The following GRM3 variants were observed in gnomAD, a reference collection of about 807,000 sequenced individuals.
The protein encoded by GRM3 is glutamate metabotropic receptor 3, also known as metabotropic glutamate receptor 3.
A neutral mutation model predicts 70.5 loss-of-function variants in GRM3; 26 were observed. The observed-to-expected ratio is 0.37, with a 90% CI of 0.27 to 0.51. The LOEUF is 0.51. Among genes scored for constraint, GRM3 ranks in the 20% least tolerant of loss-of-function variants. The pLI is 0.93. For missense variants in GRM3, 859 were observed against 1,123.8 expected (o/e 0.76, Z 3.37); for synonymous variants, 443 against 434.9 (o/e 1.02, Z -0.23).
chr7:86,732,646 C>G (rs1405139104), intron 1 of GRM3, among the ~76,000 whole-genome samples: 2 of 152,184 alleles, frequency 1.3e-5, no homozygotes, highest in Admixed American at 1.3e-4. Context: ...TAGATATTAA[C>G]ACTATGCCAA....
intron 1 of GRM3, among the ~76,000 whole-genome samples, chr7:86,754,692 G>A (rs1020459190): frequency 6.6e-6 from 1 of 152,124 alleles, no homozygotes; most frequent in Non-Finnish European, 1.5e-5. Context: ...AAGGGTATGG[G>A]AAAGACAGAG....
At chr7:86,796,442 A>G (rs772741587) in intron 3 of GRM3, among the ~76,000 whole-genome samples, 3 of 152,204 alleles carry the variant, frequency 2.0e-5, no homozygotes, top group Non-Finnish European at 4.4e-5. Context: ...TTGTACCTGT[A>G]CTATGCTGTT....
intron 1 of GRM3, among the ~76,000 whole-genome samples, chr7:86,663,966 C>T (rs1481715463): frequency 6.6e-6 from 1 of 151,920 alleles, no homozygotes; most frequent in African/African-American, 2.4e-5. Flanking sequence ...TATTCAGTGA[C>T]ATGAGCACAG....
chr7:86,824,479 G>A (rs776622696), intron 3 of GRM3, among the ~76,000 whole-genome samples: 4 of 152,238 alleles, frequency 2.6e-5, no homozygotes, highest in South Asian at 2.1e-4. Flanking sequence ...GTTCCTGAGG[G>A]GGGTAACATA....
At chr7:86,699,473 C>T (rs1794901911) in intron 1 of GRM3, among the ~76,000 whole-genome samples, 1 of 151,984 alleles carries the variant, frequency 6.6e-6, no homozygotes, top group African/African-American at 2.4e-5. Context: ...ATGGACAACA[C>T]ATATTGATAA....
rs558864220 is a variant in GRM3 at position 86,677,454 on chromosome 7, C to T, written c.-141+32582C>T. On this transcript the variant is annotated intron_variant, in intron 1 of 5. Transcript: ENST00000361669. ...TTTCTACTTCCAGATTTCTCTTTGA[C>T]CTGTTGGCTTTCTGCTGAGGTCAAG... Among the ~76,000 whole-genome samples the T allele has an allele frequency of 2.2e-4, 34 of 152,102 alleles. 1 individual carries two copies. The South Asian group carries it at 7.1e-3, about 32-fold the overall frequency.
chr7:86,752,626 C>T (rs866851196), intron 1 of GRM3, among the ~76,000 whole-genome samples: 20 of 151,878 alleles, frequency 1.3e-4, no homozygotes, highest in African/African-American at 4.6e-4. Context: ...AGAAGACAGC[C>T]CAGACTTGCT....
intron 3 of GRM3, among the ~76,000 whole-genome samples, chr7:86,812,194 G>A (rs1016898212): frequency 2.6e-5 from 4 of 151,736 alleles, no homozygotes; most frequent in Non-Finnish European, 5.9e-5. Context: ...ACTGCAAGTA[G>A]GAAAATACAT....
intron 3 of GRM3, among the ~76,000 whole-genome samples, chr7:86,802,162 G>T (rs951160661): frequency 3.3e-5 from 5 of 152,196 alleles, no homozygotes; most frequent in Non-Finnish European, 5.9e-5. Context: ...TATTTTATAA[G>T]TTTAAATGTG....
At chr7:86,743,534 T>C (rs990567046) in intron 1 of GRM3, among the ~76,000 whole-genome samples, 5 of 152,170 alleles carry the variant, frequency 3.3e-5, no homozygotes, top group Non-Finnish European at 7.4e-5. Context: ...TATATTGTCC[T>C]TATTCTGAGA....
At chr7:86,708,494 C>G (rs755345272) in intron 1 of GRM3, among the ~76,000 whole-genome samples, 1 of 152,174 alleles carries the variant, frequency 6.6e-6, no homozygotes, top group South Asian at 2.1e-4. Context: ...TGAGGAGAGA[C>G]CAGCCCCTGC....
intron 1 of GRM3, among the ~76,000 whole-genome samples, chr7:86,745,926 A>G (rs1411096774): frequency 6.6e-6 from 1 of 151,840 alleles, no homozygotes; most frequent in African/African-American, 2.4e-5. Flanking sequence ...GTAAGTGTAC[A>G]GATTAATATT....
At chr7:86,650,741 G>A (rs1218184130) in intron 1 of GRM3, among the ~76,000 whole-genome samples, 1 of 152,152 alleles carries the variant, frequency 6.6e-6, no homozygotes, top group Non-Finnish European at 1.5e-5. Context: ...GTAAAACTTA[G>A]TACAGTGGCA....
chr7:86,673,374 A>G (rs960054390), intron 1 of GRM3, among the ~76,000 whole-genome samples: 3 of 152,002 alleles, frequency 2.0e-5, no homozygotes, highest in African/African-American at 4.8e-5. Context: ...TTATCTATCC[A>G]CTTCAAAACT....
chr7:86,698,615 AG>A (rs1349731654), intron 1 of GRM3, among the ~76,000 whole-genome samples: 1 of 150,268 alleles, frequency 6.7e-6, no homozygotes, highest in African/African-American at 2.4e-5. Flanking sequence ...ACACTATAAA[AG>A]CTTGGAACCC....
chr7:86,716,663 G>T (rs1246623462), intron 1 of GRM3, among the ~76,000 whole-genome samples: 1 of 147,126 alleles, frequency 6.8e-6, no homozygotes, highest in Non-Finnish European at 1.5e-5. Context: ...AACCCAATTG[G>T]CCACTATTCC....
intron 1 of GRM3, among the ~76,000 whole-genome samples, chr7:86,699,167 C>G (rs1387824576): frequency 6.6e-6 from 1 of 151,988 alleles, no homozygotes; most frequent in African/African-American, 2.4e-5. Context: ...AGATTGAAAT[C>G]CAGAAAGAGA....
At chr7:86,650,882 T>C (rs536511973) in intron 1 of GRM3, among the ~76,000 whole-genome samples, 1 of 152,230 alleles carries the variant, frequency 6.6e-6, no homozygotes, top group Non-Finnish European at 1.5e-5. Flanking sequence ...AAAAGTTTTG[T>C]AGTATAGTAA....
intron 5 of GRM3, among the ~76,000 whole-genome samples, chr7:86,850,808 G>C (rs1348765711): frequency 6.6e-6 from 1 of 152,116 alleles, no homozygotes; most frequent in African/African-American, 2.4e-5. Flanking sequence ...TGAGGGGTTT[G>C]ACCATGTTGT....
Sources: allele counts gnomAD v4.1 joint callset (sites outside exome capture counted in the v4.1 genomes callset), GRCh38; gene constraint gnomAD v4.1.1; transcripts MANE v1.5; gene names NCBI Gene and HGNC (gene_info 2026-07-23, HGNC 2026-07-21).